WNK3: variants seen among roughly 807,000 people sequenced by gnomAD.
WNK3 encodes serine/threonine-protein kinase WNK3.
Under a neutral mutation model 116.7 loss-of-function variants are expected in WNK3, and 18 were observed. That is an observed-to-expected ratio of 0.15 (90% CI 0.11 to 0.23). The LOEUF (loss-of-function observed/expected upper bound fraction) is 0.23, where lower values mean the gene tolerates loss of function less well. WNK3 is among the 10% of genes least tolerant of loss of function. The probability of loss-of-function intolerance (pLI) is 1.00; values close to 1 mark genes in which losing one functional copy is unlikely to be tolerated. For synonymous variants in WNK3, 404 were observed against 469.4 expected, an observed-to-expected ratio of 0.86 and a Z score of 1.80; for missense variants, 993 against 1,323.8, an observed-to-expected ratio of 0.75 and a Z score of 3.88.
At chrX:54,205,031 C>T (rs1371799576) in intron 22 of WNK3, among the ~76,000 whole-genome samples, 1 of 112,019 alleles carries the variant, frequency 8.9e-6, no homozygotes, top group East Asian at 2.8e-4. Flanking sequence ...GCTTGGCCAA[C>T]ATGGTGAAAC....
At chrX:54,298,500 T>C (rs2068722686) in intron 6 of WNK3, 106 bp from the exon 7 acceptor site, 1 of 591,991 alleles carries the variant, frequency 1.7e-6, no homozygotes, top group African/African-American at 2.3e-5. Context: ...TTTGAAATTT[T>C]CTATCAATTT....
At chrX:54,321,867 G>A (rs2069039555) in intron 2 of WNK3, among the ~76,000 whole-genome samples, 1 of 108,946 alleles carries the variant, frequency 9.2e-6, no homozygotes, top group South Asian at 4.1e-4. Context: ...GGCTGAGGCA[G>A]GAAATTCGCT....
chrX:54,261,629 A>AAC (rs782069714), intron 10 of WNK3, among the ~76,000 whole-genome samples: 157 of 109,446 alleles, frequency 1.4e-3, no homozygotes, highest in East Asian at 6.8e-3. Context: ...TCTGTACACA[A>AAC]ACACACACAC....
intron 10 of WNK3, among the ~76,000 whole-genome samples, chrX:54,260,617 G>A (rs1468829976): frequency 8.9e-6 from 1 of 112,137 alleles, no homozygotes; most frequent in Non-Finnish European, 1.9e-5. Flanking sequence ...GTTAAGCTCT[G>A]TCATAATATT....
At position 54,235,492 on chromosome X, in the gene WNK3, G is replaced by T. The variant is rs782267671; in HGVS notation, c.4628+1446C>A. Among the ~76,000 whole-genome samples the T allele has an allele frequency of 9.9e-5, 11 of 110,961 alleles. 1 individual carries two copies. The South Asian group carries it at 4.2e-3, about 43-fold the overall frequency. On this transcript the variant is annotated intron_variant, in intron 20 of 23. Coordinates refer to ENST00000354646, the Ensembl canonical transcript of WNK3. ...AGTAGAGACGGGGTTTTGCCATGTTGGCCAGGGTGGTCTCAAACTCCTGAC... is the reference window on the plus strand; with the variant it reads ...AGTAGAGACGGGGTTTTGCCATGTTTGCCAGGGTGGTCTCAAACTCCTGAC...
chrX:54,216,619 C>T (rs991166792), intron 22 of WNK3, among the ~76,000 whole-genome samples: 5 of 111,476 alleles, frequency 4.5e-5, no homozygotes, highest in African/African-American at 1.3e-4. Flanking sequence ...GGCATGCCCA[C>T]GAAAGACCTA....
intron 22 of WNK3, among the ~76,000 whole-genome samples, chrX:54,207,104 A>T (rs1427150422): frequency 2.7e-5 from 3 of 110,795 alleles, no homozygotes; most frequent in African/African-American, 9.8e-5. Context: ...AAAAAAAAAA[A>T]GCTTCAACAG....
At chrX:54,226,469 CAAAA>C (rs782422874) in intron 22 of WNK3, among the ~76,000 whole-genome samples, 27 of 19,896 alleles carry the variant, frequency 1.4e-3, no homozygotes, top group Non-Finnish European at 2.2e-3. Context: ...GACTCTGTCT[CAAAA>C]AAAAAAAAAA....
Position 54,237,079 on chromosome X carries a change from C to T in WNK3, c.4487G>A (p.Cys1496Tyr). 4 of 1,212,026 alleles carry T rather than the reference C, an allele frequency of 3.3e-6. No individual in the cohort carries two copies. The highest frequency in any genetic ancestry group is 4.5e-6 in the Non-Finnish European group (4 of 895,646). The change falls in exon 20 of 24, where the codon TGC becomes TAC. Residue 1496 changes from cysteine (C) to tyrosine (Y), a missense_variant. Transcript: ENST00000354646. ...AGCTTGTTCTTCGTGGTGTGGTAAG[C>T]ACTGATTACTCTCTGGACCAGTCTT...
At chrX:54,342,390 AC>A (rs1557176606) in intron 1 of WNK3, among the ~76,000 whole-genome samples, 1 of 110,358 alleles carries the variant, frequency 9.1e-6, no homozygotes, top group East Asian at 2.9e-4. Flanking sequence ...ACATGGTGAA[AC>A]CCTGTCTTTA....
At chrX:54,203,950 G>GAAT (rs782175869) in intron 22 of WNK3, among the ~76,000 whole-genome samples, 1,421 of 109,688 alleles carry the variant, frequency 0.013, 9 homozygotes, top group Non-Finnish European at 0.021. Flanking sequence ...CTGTCTCAAA[G>GAAT]AATAATAATA....
chrX:54,222,795 G>T (rs2067779370), intron 22 of WNK3, among the ~76,000 whole-genome samples: 1 of 102,876 alleles, frequency 9.7e-6, no homozygotes. Context: ...AGAATCACTT[G>T]AACCCGGGAG....
chrX:54,302,502 T>C (rs2068768359), intron 5 of WNK3, among the ~76,000 whole-genome samples: 1 of 108,955 alleles, frequency 9.2e-6, no homozygotes, highest in Non-Finnish European at 1.9e-5. Flanking sequence ...GGTTTCACCA[T>C]GTTGGCCTGA....
chrX:54,285,252 C>A (rs933920485), intron 10 of WNK3, among the ~76,000 whole-genome samples: 4 of 110,396 alleles, frequency 3.6e-5, no homozygotes, highest in Non-Finnish European at 1.9e-5. Flanking sequence ...ATAAAAAAAT[C>A]AAAAACTTAG....
At chrX:54,207,344 G>A (rs1221777703) in intron 22 of WNK3, among the ~76,000 whole-genome samples, 2 of 110,637 alleles carry the variant, frequency 1.8e-5, no homozygotes, top group Non-Finnish European at 3.8e-5. Context: ...AAGTACAGAA[G>A]GAAAACTTTC....
intron 3 of WNK3, among the ~76,000 whole-genome samples, chrX:54,310,793 A>C (rs1477024089): frequency 9.1e-6 from 1 of 110,150 alleles, no homozygotes; most frequent in African/African-American, 3.3e-5. Context: ...ACAGTGGCAC[A>C]ATCATGGCTC....
At chrX:54,238,609 G>T in intron 18 of WNK3, 137 bp from the exon 19 acceptor site, 1 of 619,965 alleles carries the variant, frequency 1.6e-6, no homozygotes, top group Non-Finnish European at 2.4e-6. Flanking sequence ...AATGTAATAA[G>T]CAACATTGTA....
exon 14 of WNK3, chrX:54,251,584 G>C: frequency 8.3e-7 from 1 of 1,210,788 alleles, no homozygotes; most frequent in Non-Finnish European, 1.1e-6. Flanking sequence ...GGCTCTTTCT[G>C]TGGCAAAGTG....
chrX:54,330,181 G>A (rs1030848241), intron 2 of WNK3, among the ~76,000 whole-genome samples: 5 of 111,073 alleles, frequency 4.5e-5, no homozygotes, highest in African/African-American at 1.6e-4. Context: ...AGACCAGCCT[G>A]GCCAATATGG....
Sources: allele counts gnomAD v4.1 joint callset (sites outside exome capture counted in the v4.1 genomes callset), GRCh38; gene constraint gnomAD v4.1.1; transcripts MANE v1.5; gene names NCBI Gene and HGNC (gene_info 2026-07-23, HGNC 2026-07-21).